The following VEPH1 variants were observed in gnomAD, a reference collection of about 807,000 sequenced individuals.
VEPH1 encodes the protein ventricular zone-expressed PH domain-containing protein homolog 1.
Under a neutral mutation model 85.2 loss-of-function variants are expected in VEPH1, and 80 were observed. That is an observed-to-expected ratio of 0.94 (90% CI 0.78 to 1.13). The LOEUF is 1.13. Among genes scored for constraint, VEPH1 ranks in the 50% most tolerant of loss-of-function variants. The probability of loss-of-function intolerance (pLI) is 0.00; values close to 1 mark genes in which losing one functional copy is unlikely to be tolerated. For missense variants in VEPH1, 955 were observed against 980.5 expected, an observed-to-expected ratio of 0.97 and a Z score of 0.35; for synonymous variants, 297 against 348.0, an observed-to-expected ratio of 0.85 and a Z score of 1.63.
intron 9 of VEPH1, among the ~76,000 whole-genome samples, chr3:157,334,178 C>G (rs1021161571): frequency 1.3e-5 from 2 of 152,168 alleles, no homozygotes; most frequent in Non-Finnish European, 2.9e-5. Flanking sequence ...CGTCTATTCC[C>G]TGTTGACTTC....
intron 6 of VEPH1, chr3:157,409,789 A>C (rs1731402791): frequency 1.0e-6 from 1 of 983,692 alleles, no homozygotes; most frequent in Non-Finnish European, 1.2e-6. Context: ...GGTGAGGCAT[A>C]AGCCAATCAA....
chr3:157,480,115 A>C (rs986970312), intron 2 of VEPH1, among the ~76,000 whole-genome samples: 2 of 107,110 alleles, frequency 1.9e-5, no homozygotes, highest in African/African-American at 7.2e-5. Context: ...TCTAATAGAT[A>C]TCTTTATTGC....
intron 2 of VEPH1, among the ~76,000 whole-genome samples, chr3:157,485,947 T>TA (rs1254978302): frequency 6.6e-6 from 1 of 152,022 alleles, no homozygotes; most frequent in Admixed American, 6.5e-5. Context: ...GCATACATAA[T>TA]AAAAAAGCCC....
intron 12 of VEPH1, among the ~76,000 whole-genome samples, chr3:157,283,381 C>T (rs1024166700): frequency 6.6e-6 from 1 of 152,202 alleles, no homozygotes; most frequent in Non-Finnish European, 1.5e-5. Context: ...GAGAAAAATG[C>T]ATGCAAGCTT....
intron 9 of VEPH1, among the ~76,000 whole-genome samples, chr3:157,337,465 T>C (rs1723071068): frequency 6.6e-6 from 1 of 152,166 alleles, no homozygotes; most frequent in South Asian, 2.1e-4. Context: ...CCATCATGAT[T>C]AAAAAGTGAA....
At chr3:157,460,401 C>A (rs1735757900) in intron 3 of VEPH1, 46 bp from the exon 4 acceptor site, 2 of 1,574,600 alleles carry the variant, frequency 1.3e-6, no homozygotes, top group Admixed American at 1.8e-5. Flanking sequence ...ACTCATTATT[C>A]ATTTATTCAT....
At chr3:157,266,161 C>G (rs902881343) in intron 12 of VEPH1, among the ~76,000 whole-genome samples, 1 of 149,736 alleles carries the variant, frequency 6.7e-6, no homozygotes, top group African/African-American at 2.5e-5. Flanking sequence ...AATCATAAAC[C>G]CAAGTATATT....
At chr3:157,304,253 GTGTT>G (rs1719222276) in intron 11 of VEPH1, among the ~76,000 whole-genome samples, 1 of 152,008 alleles carries the variant, frequency 6.6e-6, no homozygotes, top group South Asian at 2.1e-4. Context: ...ACTATCAAGT[GTGTT>G]TGTAGCAATG....
intron 11 of VEPH1, among the ~76,000 whole-genome samples, chr3:157,300,588 G>A (rs1205774836): frequency 2.6e-5 from 4 of 152,150 alleles, no homozygotes; most frequent in Non-Finnish European, 5.9e-5. Flanking sequence ...AGAGAGTTAC[G>A]AATAGTGTAT....
At chr3:157,326,448 T>C (rs916922703) in intron 9 of VEPH1, among the ~76,000 whole-genome samples, 1 of 152,168 alleles carries the variant, frequency 6.6e-6, no homozygotes, top group Non-Finnish European at 1.5e-5. Context: ...TGCAGCAAGA[T>C]AATAGCCTTG....
At position 157,381,385 on chromosome 3, in the gene VEPH1, A is replaced by AACAATGAAGAAAATAGGTTT. The variant is rs1728751684; in HGVS notation, c.907-29_907-10dup. 8.7e-6 allele frequency: 14 copies of AACAATGAAGAAAATAGGTTT among 1,613,582 alleles called. No homozygotes were observed. The highest frequency in any genetic ancestry group is 1.3e-5 in the African/African-American group (1 of 74,896). ...CAGCTCCTGGCTCTCTCCTACCAAA[A>AACAATGAAGAAAATAGGTTT]ACAATGAAGAAAATAGGTTTATCTT... On this transcript the variant is annotated splice_polypyrimidine_tract_variant and intron_variant, in intron 6 of 13. Coordinates refer to ENST00000362010, the MANE Select transcript of VEPH1 (RefSeq NM_001167912.2).
At chr3:157,487,255 A>T (rs1396539935) in intron 2 of VEPH1, among the ~76,000 whole-genome samples, 1 of 152,090 alleles carries the variant, frequency 6.6e-6, no homozygotes, top group Non-Finnish European at 1.5e-5. Context: ...AAGCTTTGAA[A>T]ATATGGGTAA....
At chr3:157,339,504 C>G (rs1048305054) in intron 9 of VEPH1, among the ~76,000 whole-genome samples, 3 of 152,100 alleles carry the variant, frequency 2.0e-5, no homozygotes, top group Admixed American at 6.5e-5. Flanking sequence ...CTGCACTGGA[C>G]AAGTAGGGCA....
At chr3:157,437,657 T>C in intron 4 of VEPH1, 1 of 1,543,554 alleles carries the variant, frequency 6.5e-7, no homozygotes, top group Non-Finnish European at 8.7e-7. Context: ...CGGGAGGAGC[T>C]GGGCCGGCTC....
intron 9 of VEPH1, among the ~76,000 whole-genome samples, chr3:157,324,670 T>G (rs1161192648): frequency 6.6e-6 from 1 of 151,894 alleles, no homozygotes; most frequent in Non-Finnish European, 1.5e-5. Flanking sequence ...TGATCTTGTT[T>G]TTTTTTTTTT....
chr3:157,496,465 T>G (rs1739674310), intron 1 of VEPH1, among the ~76,000 whole-genome samples: 2 of 152,238 alleles, frequency 1.3e-5, no homozygotes, highest in Admixed American at 1.3e-4. Flanking sequence ...TTCAGTCCAG[T>G]GCACTTCCCT....
At chr3:157,298,991 C>T (rs1027295282) in intron 11 of VEPH1, among the ~76,000 whole-genome samples, 20 of 152,032 alleles carry the variant, frequency 1.3e-4, no homozygotes, top group Middle Eastern at 3.2e-3. Flanking sequence ...TTTTTAAGGT[C>T]GAAACCAGAA....
At chr3:157,387,243 C>T (rs1729403112) in intron 6 of VEPH1, among the ~76,000 whole-genome samples, 1 of 152,052 alleles carries the variant, frequency 6.6e-6, no homozygotes, top group Non-Finnish European at 1.5e-5. Context: ...AGGTGCTCTG[C>T]TATCCTTTGT....
intron 3 of VEPH1, among the ~76,000 whole-genome samples, chr3:157,467,281 G>GGGGAGAT (rs1301013345): frequency 6.6e-6 from 1 of 152,034 alleles, no homozygotes; most frequent in Non-Finnish European, 1.5e-5. Flanking sequence ...TTGCTTATCT[G>GGGGAGAT]GGGAGATGGG....
Sources: allele counts gnomAD v4.1 joint callset (sites outside exome capture counted in the v4.1 genomes callset), GRCh38; gene constraint gnomAD v4.1.1; transcripts MANE v1.5; gene names NCBI Gene and HGNC (gene_info 2026-07-23, HGNC 2026-07-21).